Variants in ZNF761 observed in about 807,000 individuals in gnomAD.
ZNF761 encodes zinc finger protein 761.
ZNF761 carries 43 observed loss-of-function variants against 59.9 expected under a neutral mutation model. That is an observed-to-expected ratio of 0.72 (90% confidence interval 0.56 to 0.92). The LOEUF is 0.92. ZNF761 is among the 40% of genes least tolerant of loss of function. The pLI, the probability that ZNF761 is intolerant of heterozygous loss-of-function variation, is 0.00. For missense variants in ZNF761, 850 were observed against 906.1 expected (o/e 0.94, Z 0.79); for synonymous variants, 294 against 304.8 (o/e 0.96, Z 0.37).
rs1340523047 is a variant in ZNF761 at position 53,457,594 on chromosome 19, C to T, written c.*846C>T. 3.7e-6 allele frequency: 1 copy of T among 270,396 alleles called. No homozygotes were observed. Among genetic ancestry groups the T allele is most frequent in the Non-Finnish European group, 7.5e-6 (1 of 133,526 alleles). 16.7% of individuals were successfully genotyped at this position (270,396 alleles called of 1,614,324 possible). On this transcript the variant is annotated 3_prime_UTR_variant, in exon 5 of 5. Transcript: ENST00000684525. Reference sequence around the variant, plus strand: ...GTCCATATGCAATGAGTAGAGCAAACCATCAAGCATTAATTGACATTAGGG... The same window carrying T: ...GTCCATATGCAATGAGTAGAGCAAATCATCAAGCATTAATTGACATTAGGG...
In ZNF761 at chr19:53,455,322, G is replaced by A. The variant is rs755816347; in HGVS notation, c.815G>A (p.Cys272Tyr). The A allele has an allele frequency of 8.1e-6, 13 of 1,614,124 alleles. No homozygotes were observed. The highest frequency in any genetic ancestry group is 1.1e-5 in the South Asian group (1 of 91,082). ...RCHTGENPYKCNECGKTFSQT... is the reference protein window; with the variant it reads ...RCHTGENPYKYNECGKTFSQT... ...CACACTGGTGAGAATCCTTACAAGT[G>A]TAATGAGTGTGGCAAGACCTTCAGT... The change falls in exon 5 of 5, where the codon TGT becomes TAT. Residue 272 changes from cysteine to tyrosine, a missense_variant. Coordinates refer to ENST00000684525, the MANE Select transcript of ZNF761 (RefSeq NM_001289951.2).
chr19:53,456,157 C>T lies in ZNF761; in HGVS notation c.1650C>T (p.Tyr550=). 1.2e-6 allele frequency: 2 copies of T among 1,613,988 alleles called. No homozygotes were observed. Among genetic ancestry groups the T allele is most frequent in the Non-Finnish European group, 1.7e-6 (2 of 1,179,964 alleles). ...HRRLHSGEKP[Y]KCKECGKTFN... ...GACTTCATTCTGGAGAGAAACCTTA[C>T]AAGTGTAAGGAGTGTGGCAAGACCT... Residue 550 remains tyrosine (Y), a synonymous_variant, in exon 5 of 5, where the codon TAC becomes TAT. Transcript: ENST00000684525.
chr19:53,432,610 C>G (rs574594226), intron 1 of ZNF761, among the ~76,000 whole-genome samples: 2 of 152,132 alleles, frequency 1.3e-5, no homozygotes, highest in Non-Finnish European at 2.9e-5. Context: ...CTGGAAAATG[C>G]GCTCCCCCGG....
chr19:53,436,095 T>C (rs569445693), intron 1 of ZNF761, among the ~76,000 whole-genome samples: 15 of 152,240 alleles, frequency 9.9e-5, no homozygotes, highest in African/African-American at 3.6e-4. Flanking sequence ...CTGAGTTGGA[T>C]GATCTGGGTC....
At chr19:53,436,291 G>C (rs1433170759) in intron 1 of ZNF761, among the ~76,000 whole-genome samples, 1 of 152,110 alleles carries the variant, frequency 6.6e-6, no homozygotes, top group African/African-American at 2.4e-5. Flanking sequence ...TGTTGAAAGG[G>C]GTGTACTTGA....
intron 4 of ZNF761, among the ~76,000 whole-genome samples, chr19:53,452,929 TTA>T (rs2086233642): frequency 6.6e-6 from 1 of 152,212 alleles, no homozygotes; most frequent in South Asian, 2.1e-4. Flanking sequence ...ATCATATTTT[TTA>T]TGTTTTTATT....
In ZNF761 at chr19:53,457,772, A is replaced by C. The variant is rs1489137292; in HGVS notation, c.*1024A>C. ...GAGGCCAAGGTGGGTAGATCACTTG[A>C]GGTCAGGAGTTTGAGATCAGCCTGG... On this transcript the variant is annotated 3_prime_UTR_variant, in exon 5 of 5. Coordinates refer to ENST00000684525, the MANE Select transcript of ZNF761 (RefSeq NM_001289951.2). 1 of 157,496 alleles carries C rather than the reference A, an allele frequency of 6.3e-6. No homozygotes were observed. The highest frequency in any genetic ancestry group is 1.4e-5 in the Non-Finnish European group (1 of 69,150). The allele number at this position is 157,496 out of a possible 1,614,324, so 9.8% of individuals were successfully genotyped here. A position where few individuals can be genotyped will look rare whatever the true frequency, so the allele number is the denominator to read the frequency against.
intron 2 of ZNF761, among the ~76,000 whole-genome samples, chr19:53,446,590 C>T (rs1472837231): frequency 6.6e-6 from 1 of 151,986 alleles, no homozygotes; most frequent in Non-Finnish European, 1.5e-5. Context: ...CAAGGCTGGT[C>T]TCAAACTTCT....
intron 1 of ZNF761, among the ~76,000 whole-genome samples, chr19:53,437,498 G>C (rs115196305): frequency 0.017 from 2,543 of 152,250 alleles, 54 homozygotes; most frequent in African/African-American, 0.055. Context: ...GGCACACCAG[G>C]ATCTTTGATT....
chr19:53,441,588 A>AGTCC (rs1315396536), intron 1 of ZNF761, among the ~76,000 whole-genome samples: 3 of 151,822 alleles, frequency 2.0e-5, no homozygotes, highest in Admixed American at 6.6e-5. Context: ...GTGGGACTAC[A>AGTCC]GTCCCGCACC....
At chr19:53,447,966 A>C (rs1206775359) in intron 3 of ZNF761, among the ~76,000 whole-genome samples, 1 of 152,132 alleles carries the variant, frequency 6.6e-6, no homozygotes, top group Admixed American at 6.6e-5. Context: ...AGGTGTTTTC[A>C]TTAAACGTTT....
intron 1 of ZNF761, among the ~76,000 whole-genome samples, chr19:53,434,492 A>G (rs959086416): frequency 2.0e-5 from 3 of 152,138 alleles, no homozygotes; most frequent in African/African-American, 7.2e-5. Flanking sequence ...AGCTGATACT[A>G]GGTGTGGTTT....
intron 1 of ZNF761, chr19:53,442,630 G>C: frequency 1.8e-6 from 1 of 559,532 alleles, no homozygotes; most frequent in Non-Finnish European, 3.4e-6. Flanking sequence ...CCACCCTGCT[G>C]CTGCTCCTTC....
At chr19:53,452,082 C>G (rs1296090719) in intron 4 of ZNF761, among the ~76,000 whole-genome samples, 1 of 152,146 alleles carries the variant, frequency 6.6e-6, no homozygotes, top group Non-Finnish European at 1.5e-5. Flanking sequence ...CCCGAGGTGG[C>G]TCATACCTCT....
intron 1 of ZNF761, among the ~76,000 whole-genome samples, chr19:53,445,668 C>T (rs1244766732): frequency 1.3e-5 from 2 of 151,894 alleles, no homozygotes; most frequent in African/African-American, 4.8e-5. Flanking sequence ...AAATGGGATG[C>T]AGTACCCCAA....
In ZNF761 at chr19:53,455,516, CA is replaced by C; in HGVS notation, c.1010del (p.Gln337ArgfsTer227). ...KCNECGKTFR[Q>X]KSILTRHHRL... ...TAATGAGTGTGGCAAGACCTTTAGGCAGAAGTCAATCCTTACACGCCATCAT... is the reference window on the plus strand; with the variant it reads ...TAATGAGTGTGGCAAGACCTTTAGGCGAAGTCAATCCTTACACGCCATCAT... On this transcript the variant is annotated frameshift_variant, in exon 5 of 5. Coordinates refer to ENST00000684525, the MANE Select transcript of ZNF761 (RefSeq NM_001289951.2). LOFTEE classifies it high-confidence loss of function. The C allele has an allele frequency of 6.2e-7, 1 of 1,613,022 alleles. No homozygotes were observed. Among genetic ancestry groups the C allele is most frequent in the Non-Finnish European group, 8.5e-7 (1 of 1,179,540 alleles).
Position 53,455,236 on chromosome 19 carries a change from A to G in ZNF761, c.729A>G (p.Lys243=), listed in dbSNP as rs2086255862. The part of the protein sequence containing the change: ...HQIIHLADKY[K]CDVCGKLFNQ... ...TAATCCATTTAGCAGACAAATATAAATGTGATGTATGTGGCAAGCTCTTTA... is the reference window on the plus strand; with the variant it reads ...TAATCCATTTAGCAGACAAATATAAGTGTGATGTATGTGGCAAGCTCTTTA... Residue 243 remains lysine (K), a synonymous_variant, in exon 5 of 5, where the codon AAA becomes AAG. Transcript: ENST00000684525. 6.2e-7 allele frequency: 1 copy of G among 1,614,170 alleles called. No homozygotes were observed. The highest frequency in any genetic ancestry group is 1.3e-5 in the African/African-American group (1 of 75,048).
Position 53,455,243 on chromosome 19 carries a change from G to A in ZNF761, c.736G>A (p.Val246Ile), listed in dbSNP as rs2086255948. 1 of 1,614,094 alleles carries A rather than the reference G, an allele frequency of 6.2e-7. No individual in the cohort carries two copies. The highest frequency in any genetic ancestry group is 1.3e-5 in the African/African-American group (1 of 74,946). ...TTTAGCAGACAAATATAAATGTGAT[G>A]TATGTGGCAAGCTCTTTAATCAGAA... ...IHLADKYKCD[V>I]CGKLFNQKRN... Residue 246 changes from valine to isoleucine, a missense_variant, in exon 5 of 5, where the codon GTA becomes ATA. Val to Ile is a conservative substitution (Grantham distance 29). Transcript: ENST00000684525.
chr19:53,456,225 G>C lies in ZNF761; in HGVS notation c.1718G>C (p.Ser573Thr), dbSNP rs183574708. 33 of 1,612,198 alleles carry C rather than the reference G, an allele frequency of 2.0e-5. No individual in the cohort carries two copies. In the East Asian group the frequency reaches 4.3e-4, roughly 21 times the overall value. ...LTLKRHRRLH[S>T]GENPYKCEDS... is the part of the protein sequence containing the mutation. ...CTTAAACGCCATCGTAGACTTCATA[G>C]TGGAGAGAACCCTTACAAATGTGAA... The change falls in exon 5 of 5, where the codon AGT (serine) becomes ACT (threonine). Residue 573 changes from serine to threonine, a missense_variant. By Grantham distance (58) the Ser-to-Thr change is moderately conservative. Transcript: ENST00000684525.
Sources: allele counts gnomAD v4.1 joint callset (sites outside exome capture counted in the v4.1 genomes callset), GRCh38; gene constraint gnomAD v4.1.1; transcripts MANE v1.5; gene names NCBI Gene and HGNC (gene_info 2026-07-23, HGNC 2026-07-21).